The following PREX1 variants were observed in gnomAD, a reference collection of about 807,000 sequenced individuals.
PREX1 encodes the protein phosphatidylinositol-3,4,5-trisphosphate dependent Rac exchange factor 1, also known as phosphatidylinositol 3,4,5-trisphosphate-dependent Rac exchanger 1 protein.
A neutral mutation model predicts 198.3 loss-of-function variants in PREX1; 41 were observed. The observed-to-expected ratio is 0.21, with a 90% confidence interval of 0.16 to 0.27. The LOEUF is 0.27. PREX1 is among the 10% of genes least tolerant of loss of function. The pLI is 1.00. For missense variants in PREX1, 1,620 were observed against 2,200.7 expected, an observed-to-expected ratio of 0.74 and a Z score of 5.28; for synonymous variants, 843 against 887.2, an observed-to-expected ratio of 0.95 and a Z score of 0.89.
At chr20:48,642,004 C>T (rs1404282399) in intron 29 of PREX1, 164 bp downstream of exon 29, 2 of 630,864 alleles carry the variant, frequency 3.2e-6, no homozygotes, top group Non-Finnish European at 5.5e-6. Context: ...CCTACAAAAA[C>T]AGGTCATGGA....
chr20:48,743,990 GTGATGATGATGATGATGA>G (rs3037311), intron 3 of PREX1, among the ~76,000 whole-genome samples: 21 of 149,170 alleles, frequency 1.4e-4, no homozygotes, highest in Admixed American at 1.0e-3. Context: ...AAGTGAGTTA[GTGATGATGATGATGATGA>G]TGATGATGAT....
At chr20:48,661,698 G>A (rs187271991) in intron 15 of PREX1, among the ~76,000 whole-genome samples, 3 of 151,436 alleles carry the variant, frequency 2.0e-5, no homozygotes, top group Non-Finnish European at 4.4e-5. Flanking sequence ...CACTGGGGAG[G>A]CATGCTAAGT....
the PREX1 span, among the ~76,000 whole-genome samples, chr20:48,856,322 T>C: frequency 6.6e-6 from 1 of 152,176 alleles, no homozygotes; most frequent in Admixed American, 6.5e-5. Flanking sequence ...CAGGGTCCAG[T>C]AGGAGTGTTA....
At chr20:48,767,204 A>C (rs1028915151) in intron 1 of PREX1, among the ~76,000 whole-genome samples, 3 of 152,076 alleles carry the variant, frequency 2.0e-5, no homozygotes, top group Non-Finnish European at 4.4e-5. Flanking sequence ...CATTCTAACC[A>C]CCTCGACTCC....
intron 1 of PREX1, among the ~76,000 whole-genome samples, chr20:48,819,510 T>C (rs1406851639): frequency 1.3e-5 from 2 of 152,216 alleles, no homozygotes; most frequent in Non-Finnish European, 2.9e-5. Flanking sequence ...CTCATTTTAT[T>C]TCCTTCTGTC....
At chr20:48,737,454 T>C (rs2090062023) in intron 3 of PREX1, among the ~76,000 whole-genome samples, 1 of 152,108 alleles carries the variant, frequency 6.6e-6, no homozygotes, top group Admixed American at 6.5e-5. Context: ...ACTGCTGTGA[T>C]GTCAATGGGG....
chr20:48,662,298 T>C (rs1439363598), intron 15 of PREX1, among the ~76,000 whole-genome samples: 2 of 152,214 alleles, frequency 1.3e-5, no homozygotes, highest in Non-Finnish European at 2.9e-5. Flanking sequence ...ATGTTGCATA[T>C]TGGCCAAAAT....
At chr20:48,886,347 T>G in the PREX1 span, among the ~76,000 whole-genome samples, 1 of 152,228 alleles carries the variant, frequency 6.6e-6, no homozygotes, top group Non-Finnish European at 1.5e-5. Context: ...ATCCAGAGAT[T>G]GGGCTTCTCA....
the PREX1 span, among the ~76,000 whole-genome samples, chr20:48,868,227 G>A: frequency 6.6e-6 from 1 of 152,136 alleles, no homozygotes; most frequent in Non-Finnish European, 1.5e-5. Context: ...TGGCAAACAG[G>A]AAAACCCAAA....
chr20:48,754,412 C>A (rs1255169011), intron 1 of PREX1, among the ~76,000 whole-genome samples: 1 of 152,162 alleles, frequency 6.6e-6, no homozygotes, highest in Non-Finnish European at 1.5e-5. Flanking sequence ...ACCGCATCAG[C>A]CTTTAAAACA....
At chr20:48,867,419 T>C in the PREX1 span, among the ~76,000 whole-genome samples, 1 of 152,200 alleles carries the variant, frequency 6.6e-6, no homozygotes, top group African/African-American at 2.4e-5. Context: ...AGGGAATGTC[T>C]AGAAGAGGCA....
intron 1 of PREX1, among the ~76,000 whole-genome samples, chr20:48,821,500 G>T (rs1190911847): frequency 6.6e-6 from 1 of 152,158 alleles, no homozygotes; most frequent in Non-Finnish European, 1.5e-5. Flanking sequence ...ACAGCACACA[G>T]GTTTGAGGGG....
chr20:48,667,180 G>A (rs998976210), intron 14 of PREX1, among the ~76,000 whole-genome samples: 97 of 152,338 alleles, frequency 6.4e-4, no homozygotes, highest in African/African-American at 2.2e-3. Context: ...AAGGAAGGCA[G>A]AGCAGAAAGA....
At chr20:48,658,097 C>T (rs1332924850) in intron 17 of PREX1, 39 bp downstream of exon 17, 1 of 1,589,276 alleles carries the variant, frequency 6.3e-7, no homozygotes, top group Non-Finnish European at 8.6e-7. Flanking sequence ...CGCTCTGCCA[C>T]CTGCACACGG....
chr20:48,637,546 T>C (rs1320612620), intron 31 of PREX1, among the ~76,000 whole-genome samples, 165 bp downstream of exon 31: 1 of 152,260 alleles, frequency 6.6e-6, no homozygotes, highest in Non-Finnish European at 1.5e-5. Flanking sequence ...CCCTGAGACT[T>C]GTCCCTTGGA....
chr20:48,776,348 C>T (rs1482480959), intron 1 of PREX1, among the ~76,000 whole-genome samples: 1 of 152,218 alleles, frequency 6.6e-6, no homozygotes, highest in Non-Finnish European at 1.5e-5. Flanking sequence ...GACCCCGCCC[C>T]CCTCAGACAG....
At chr20:48,722,672 G>A (rs1257571278) in intron 5 of PREX1, among the ~76,000 whole-genome samples, 1 of 152,240 alleles carries the variant, frequency 6.6e-6, no homozygotes, top group East Asian at 1.9e-4. Flanking sequence ...AGGCCCCGGA[G>A]ATGAGGAAGC....
intron 1 of PREX1, among the ~76,000 whole-genome samples, chr20:48,796,181 C>T (rs2090361519): frequency 6.6e-6 from 1 of 151,978 alleles, no homozygotes; most frequent in Non-Finnish European, 1.5e-5. Flanking sequence ...CCAGAAATTC[C>T]ATTCCCAGAA....
At chr20:48,629,356 C>A in intron 37 of PREX1, 93 bp downstream of exon 37, 3 of 1,491,014 alleles carry the variant, frequency 2.0e-6, no homozygotes, top group Non-Finnish European at 2.7e-6. Context: ...GGATTGGAAC[C>A]CAGCCTTCCT....
Sources: allele counts gnomAD v4.1 joint callset (sites outside exome capture counted in the v4.1 genomes callset), GRCh38; gene constraint gnomAD v4.1.1; transcripts MANE v1.5; gene names NCBI Gene and HGNC (gene_info 2026-07-23, HGNC 2026-07-21).